HPS1: variants seen among roughly 807,000 people sequenced by gnomAD.
HPS1 encodes HPS1 biogenesis of lysosomal organelles complex 3 subunit 1, also known as BLOC-3 complex member HPS1.
In HPS1, 59 loss-of-function variants were observed where a neutral mutation model predicts 90.6. The observed-to-expected ratio is 0.65, with a 90% CI of 0.53 to 0.81. The LOEUF is 0.81. HPS1 is among the 30% of genes least tolerant of loss of function. The pLI, the probability that HPS1 is intolerant of heterozygous loss-of-function variation, is 0.00. For synonymous variants in HPS1, 388 were observed against 384.4 expected (o/e 1.01, Z -0.11); for missense variants, 849 against 896.7 (o/e 0.95, Z 0.68).
chr10:98,429,232 A>G, intron 10 of HPS1: 1 of 1,087,898 alleles, frequency 9.2e-7, no homozygotes, highest in Non-Finnish European at 1.2e-6. Flanking sequence ...ATATTTTAGA[A>G]TGTATAGAAA....
At chr10:98,432,287 G>A (rs900491465) in intron 6 of HPS1, among the ~76,000 whole-genome samples, 4 of 152,200 alleles carry the variant, frequency 2.6e-5, no homozygotes, top group Non-Finnish European at 5.9e-5. Flanking sequence ...TCCATCTCTT[G>A]TGCCACCATA....
Position 98,440,452 on chromosome 10 carries a change from T to C in HPS1, c.117+2672A>G, listed in dbSNP as rs187543460. Among the ~76,000 whole-genome samples the C allele has an allele frequency of 1.8e-3, 278 of 152,252 alleles. 1 individual carries two copies. Among genetic ancestry groups the C allele is most frequent in the African/African-American group, 6.2e-3 (258 of 41,538 alleles). On this transcript the variant is annotated intron_variant, in intron 3 of 19. Coordinates refer to ENST00000361490, the MANE Select transcript of HPS1 (RefSeq NM_000195.5). Reference sequence around the variant, plus strand: ...TGATTCATGTACTGGAGTACAATGTTTCCATTAAGAATTATGCTTCTGAGA... The same window carrying C: ...TGATTCATGTACTGGAGTACAATGTCTCCATTAAGAATTATGCTTCTGAGA...
chr10:98,427,199 C>A lies in HPS1; in HGVS notation c.987+16G>T, dbSNP rs1487359155. On this transcript the variant is annotated intron_variant, in intron 11 of 19. Transcript: ENST00000361490. ...TCAGATCAGCTGGCGCCCAGGCAGGCACAGGAGAAACTCACCTGAAGGGCA... is the reference window on the plus strand; with the variant it reads ...TCAGATCAGCTGGCGCCCAGGCAGGAACAGGAGAAACTCACCTGAAGGGCA... 1.3e-6 allele frequency: 2 copies of A among 1,548,802 alleles called. No individual in the cohort carries two copies. Among genetic ancestry groups the A allele is most frequent in the African/African-American group, 2.7e-5 (2 of 72,998 alleles).
At chr10:98,429,930 C>T (rs775013949) in intron 8 of HPS1, 41 bp from the exon 9 acceptor site, 15 of 1,561,466 alleles carry the variant, frequency 9.6e-6, no homozygotes, top group South Asian at 4.4e-5. Flanking sequence ...TCCTATCTGA[C>T]CTGGCTCCCT....
rs1417240223 is a variant in HPS1 at position 98,416,996 on chromosome 10, G to A, written c.*568C>T. 6.5e-6 allele frequency: 1 copy of A among 152,874 alleles called. No homozygotes were observed. The highest frequency in any genetic ancestry group is 1.5e-5 in the Non-Finnish European group (1 of 68,416). 9.5% of individuals were successfully genotyped at this position (152,874 alleles called of 1,614,324 possible). A position where few individuals can be genotyped will look rare whatever the true frequency, so the allele number is the denominator to read the frequency against. On this transcript the variant is annotated 3_prime_UTR_variant, in exon 20 of 20. Transcript: ENST00000361490. Reference sequence around the variant, plus strand: ...AGGGCTTATCAGCACTGACAGAAGGGTCTAGAAGCACTAGCATGTTGGGCT... The same window carrying A: ...AGGGCTTATCAGCACTGACAGAAGGATCTAGAAGCACTAGCATGTTGGGCT...
chr10:98,426,337 G>T (rs1040241272), intron 11 of HPS1, among the ~76,000 whole-genome samples: 1 of 152,164 alleles, frequency 6.6e-6, no homozygotes, highest in East Asian at 1.9e-4. Flanking sequence ...ACAGATGGAG[G>T]TATCTAATGT....
rs1247354928 is a variant in HPS1, at chr10:98,435,594, C to G, written c.255+41G>C. On this transcript the variant is annotated intron_variant, in intron 4 of 19. Transcript: ENST00000361490. The surrounding 1 kb of genome is among the most constrained non-coding windows in gnomAD (Gnocchi z 4.3). The stretch of plus-strand genomic sequence containing the variant: ...AGAGGCCTGTGGACTCCCCATCAAG[C>G]TGAGGGAAGAGGAACATGGGCCCCA... 4 of 1,612,632 alleles carry G rather than the reference C, an allele frequency of 2.5e-6. No homozygotes were observed. In the East Asian group the frequency reaches 6.7e-5, roughly 27 times the overall value.
At position 98,425,970 on chromosome 10, in the gene HPS1, G is replaced by A; in HGVS notation, c.1003C>T (p.Leu335Phe). Residue 335 changes from leucine to phenylalanine, a missense_variant, in exon 12 of 20, where the codon CTC becomes TTC. Coordinates refer to ENST00000361490, the MANE Select transcript of HPS1 (RefSeq NM_000195.5). ...MDALQIAEDTLQTLVPHCPVP... is the reference protein window; with the variant it reads ...MDALQIAEDTFQTLVPHCPVP... Reference sequence around the variant, plus strand: ...GGGCAGTGGGGAACCAGTGTTTGGAGGGTGTCCTCTGCTATCTACAGAGGA... The same window carrying A: ...GGGCAGTGGGGAACCAGTGTTTGGAAGGTGTCCTCTGCTATCTACAGAGGA... 1 of 1,614,080 alleles carries A rather than the reference G, an allele frequency of 6.2e-7. No homozygotes were observed. Among genetic ancestry groups the A allele is most frequent in the Non-Finnish European group, 8.5e-7 (1 of 1,179,990 alleles).
chr10:98,419,377 G>A lies in HPS1; in HGVS notation c.1857+668C>T, dbSNP rs537935860. Reference sequence around the variant, plus strand: ...CAAATAAAAGAGAAACAGGAGGAAAGCGAAGAAAGGGAAAAGACAGAGAGG... The same window carrying A: ...CAAATAAAAGAGAAACAGGAGGAAAACGAAGAAAGGGAAAAGACAGAGAGG... On this transcript the variant is annotated intron_variant, in intron 18 of 19. Transcript: ENST00000361490. Among the ~76,000 whole-genome samples the A allele has an allele frequency of 3.3e-5, 5 of 152,264 alleles. No homozygotes were observed. In the South Asian group the frequency reaches 1.0e-3, roughly 32 times the overall value.
intron 17 of HPS1, among the ~76,000 whole-genome samples, chr10:98,420,933 C>G (rs1358430866): frequency 6.6e-6 from 1 of 152,120 alleles, no homozygotes; most frequent in East Asian, 1.9e-4. Context: ...GGGGGAAGTC[C>G]AAATCAGAGT....
chr10:98,415,534 C>A (rs1003037869), downstream of HPS1, among the ~76,000 whole-genome samples: 2 of 152,234 alleles, frequency 1.3e-5, no homozygotes, highest in African/African-American at 4.8e-5. Context: ...GCCCTCTCCT[C>A]CCCTGTGCAT....
intron 6 of HPS1, among the ~76,000 whole-genome samples, chr10:98,433,246 A>G (rs1231701066): frequency 9.2e-5 from 14 of 151,624 alleles, no homozygotes; most frequent in African/African-American, 3.2e-4. Context: ...AAAAAAAAAA[A>G]AAAGAAATGC....
At chr10:98,433,042 A>C (rs1167344650) in intron 6 of HPS1, among the ~76,000 whole-genome samples, 1 of 151,972 alleles carries the variant, frequency 6.6e-6, no homozygotes, top group Admixed American at 6.6e-5. Context: ...GACCAGCCTG[A>C]CCAACATAGT....
At chr10:98,429,421 G>A (rs1276071539) in intron 10 of HPS1, 152 bp downstream of exon 10, 3 of 1,543,174 alleles carry the variant, frequency 1.9e-6, no homozygotes, top group East Asian at 2.4e-5. Context: ...AAGATGGGGA[G>A]CCGCAGACAG....
chr10:98,429,533 A>T (rs760836917), intron 10 of HPS1, 40 bp downstream of exon 10: 1 of 1,613,986 alleles, frequency 6.2e-7, no homozygotes, highest in Non-Finnish European at 8.5e-7. Context: ...TGTCGCTCGC[A>T]GCTAGCTATT....
chr10:98,419,957 G>T (rs533894851), intron 18 of HPS1, 88 bp downstream of exon 18: 6 of 925,704 alleles, frequency 6.5e-6, no homozygotes, highest in African/African-American at 4.8e-5. Flanking sequence ...GAGACAGACA[G>T]ACAACAATTC....
chr10:98,417,538 C>G lies in HPS1; in HGVS notation c.*26G>C, dbSNP rs1324099361. On this transcript the variant is annotated 3_prime_UTR_variant, in exon 20 of 20. Coordinates refer to ENST00000361490, the MANE Select transcript of HPS1 (RefSeq NM_000195.5). The surrounding 1 kb of genome is among the most constrained non-coding windows in gnomAD (Gnocchi z 4.2). ...GCAAGGGTGGCTGGAGGACAGGATG[C>G]AAAGGCAGACTGCGGCCACCTTGGC... The G allele has an allele frequency of 6.3e-7, 1 of 1,599,892 alleles. No individual in the cohort carries two copies. Among genetic ancestry groups the G allele is most frequent in the Non-Finnish European group, 8.5e-7 (1 of 1,172,896 alleles).
At chr10:98,421,356 A>G (rs1344623226) in intron 17 of HPS1, among the ~76,000 whole-genome samples, 1 of 152,238 alleles carries the variant, frequency 6.6e-6, no homozygotes, top group African/African-American at 2.4e-5. Flanking sequence ...CAAGGTGTAT[A>G]CTGCAGAATT....
In HPS1 at chr10:98,417,091, C is replaced by T. The variant is rs3830019; in HGVS notation, c.*473G>A. The T allele has an allele frequency of 0.045, 7,040 of 156,546 alleles. 218 individuals are homozygous for T. The highest frequency in any genetic ancestry group is 0.12 in the East Asian group (630 of 5,302). 9.7% of individuals were successfully genotyped at this position (156,546 alleles called of 1,614,324 possible). A position where few individuals can be genotyped will look rare whatever the true frequency, so the allele number is the denominator to read the frequency against. On this transcript the variant is annotated 3_prime_UTR_variant, in exon 20 of 20. Transcript: ENST00000361490. This position sits in a 1 kb window ranked among gnomAD's most constrained non-coding sequence, Gnocchi z 4.2. ...GGGTAATCCTCACACCACCCTGGGA[C>T]GGAGGTGCCATCGCTTTAAACGTGG...
Sources: allele counts gnomAD v4.1 joint callset (sites outside exome capture counted in the v4.1 genomes callset), GRCh38; gene constraint gnomAD v4.1.1; non-coding constraint Gnocchi (gnomAD v3.1); transcripts MANE v1.5; gene names NCBI Gene and HGNC (gene_info 2026-07-23, HGNC 2026-07-21).